TTF2: variants seen among roughly 807,000 people sequenced by gnomAD.
TTF2 encodes the protein transcription termination factor 2.
TTF2 carries 108 observed loss-of-function variants against 142.4 expected under a neutral mutation model. That is an observed-to-expected ratio of 0.76 (90% CI 0.65 to 0.89). The LOEUF (loss-of-function observed/expected upper bound fraction) is 0.89, where lower values mean the gene tolerates loss of function less well. Ranked by LOEUF, TTF2 falls within the 40% of genes least tolerant of loss-of-function variation. The pLI, the probability that TTF2 is intolerant of heterozygous loss-of-function variation, is 0.00. For synonymous variants in TTF2, 483 were observed against 506.2 expected (o/e 0.95, Z 0.61); for missense variants, 1,327 against 1,379.8 (o/e 0.96, Z 0.61).
chr1:117,081,581 T>G (rs1647514798), intron 9 of TTF2, among the ~76,000 whole-genome samples: 1 of 152,172 alleles, frequency 6.6e-6, no homozygotes, highest in Non-Finnish European at 1.5e-5. Flanking sequence ...ATATTCAAAT[T>G]GTAAGTTTTA....
intron 1 of TTF2, 33 bp downstream of exon 1, chr1:117,060,407 T>A: frequency 6.2e-7 from 1 of 1,608,084 alleles, no homozygotes; most frequent in East Asian, 2.2e-5. Context: ...TCCCGGGGCC[T>A]GTTGATTTAG....
At position 117,107,439 on chromosome 1, in the gene TTF2, G is replaced by A. The variant is rs546756587; in HGVS notation, c.*5915G>A. ...AACCTCCAACTGAAATAAATGGTAA[G>A]CTTTTTGTTCTCAATTCTGAAATCA... On this transcript the variant is annotated 3_prime_UTR_variant, in exon 23 of 23. Transcript: ENST00000369466. The A allele has an allele frequency of 6.6e-6, 1 of 152,276 alleles. No homozygotes were observed. Among genetic ancestry groups the A allele is most frequent in the South Asian group, 2.1e-4 (1 of 4,816 alleles). 9.4% of individuals were successfully genotyped at this position (152,276 alleles called of 1,614,324 possible).
chr1:117,077,903 T>A lies in TTF2; in HGVS notation c.1574-13T>A. 1 of 1,613,992 alleles carries A rather than the reference T, an allele frequency of 6.2e-7. No individual in the cohort carries two copies. On this transcript the variant is annotated splice_polypyrimidine_tract_variant and intron_variant, in intron 7 of 22. Coordinates refer to ENST00000369466, the MANE Select transcript of TTF2 (RefSeq NM_003594.4). Reference sequence around the variant, plus strand: ...CTTGTGACATCTTTTAGGTAACACCTATTTGTATGCAGGCCATACAAACCA... The same window carrying A: ...CTTGTGACATCTTTTAGGTAACACCAATTTGTATGCAGGCCATACAAACCA...
intron 18 of TTF2, chr1:117,094,551 A>C (rs1324920847): frequency 2.1e-6 from 1 of 467,200 alleles, no homozygotes; most frequent in African/African-American, 2.0e-5. Flanking sequence ...AAGCTTTAAC[A>C]ATGGTTCCTC....
intron 12 of TTF2, 99 bp from the exon 13 acceptor site, chr1:117,088,702 A>G: frequency 7.4e-7 from 1 of 1,350,814 alleles, no homozygotes; most frequent in East Asian, 2.4e-5. Context: ...TTAAAGGTAA[A>G]TGTGGGTCCT....
intron 7 of TTF2, among the ~76,000 whole-genome samples, chr1:117,077,612 CT>C (rs1181458766): frequency 6.6e-6 from 1 of 152,078 alleles, no homozygotes; most frequent in Admixed American, 6.5e-5. Context: ...TTCTAGGCAA[CT>C]TTGAATTCAG....
At position 117,077,786 on chromosome 1, in the gene TTF2, G is replaced by A. The variant is rs1443372667; in HGVS notation, c.1574-130G>A. Reference sequence around the variant, plus strand: ...CCAACTGAGAACTGCTAGAGACATGGAAAGTTGAGGAGAGTAGTTAACAAG... The same window carrying A: ...CCAACTGAGAACTGCTAGAGACATGAAAAGTTGAGGAGAGTAGTTAACAAG... On this transcript the variant is annotated intron_variant, in intron 7 of 22. Coordinates refer to ENST00000369466, the MANE Select transcript of TTF2 (RefSeq NM_003594.4). 4 of 1,282,674 alleles carry A rather than the reference G, an allele frequency of 3.1e-6. No homozygotes were observed. In the Admixed American group the frequency reaches 5.9e-5, roughly 19 times the overall value. The allele number at this position is 1,282,674 out of a possible 1,614,324, so 79.5% of individuals were successfully genotyped here. A position where few individuals can be genotyped will look rare whatever the true frequency, so the allele number is the denominator to read the frequency against.
Position 117,095,291 on chromosome 1 carries a change from G to A in TTF2, c.2977-18G>A. 1 of 1,613,822 alleles carries A rather than the reference G, an allele frequency of 6.2e-7. No homozygotes were observed. Among genetic ancestry groups the A allele is most frequent in the Non-Finnish European group, 8.5e-7 (1 of 1,179,716 alleles). On this transcript the variant is annotated intron_variant, in intron 18 of 22. Transcript: ENST00000369466. ...GTGAATTGCTTAAACATACAATGTTGATGTAACCTTTTCCCAGATTTCATC... is the reference window on the plus strand; with the variant it reads ...GTGAATTGCTTAAACATACAATGTTAATGTAACCTTTTCCCAGATTTCATC...
rs138459730 is a variant in TTF2 at position 117,106,235 on chromosome 1, A to G, written c.*4711A>G. ...ATCAGGGTCATTTATAGTACAAACT[A>G]CCACAGAAGTCAGTAGTTAGGGGAT... On this transcript the variant is annotated 3_prime_UTR_variant, in exon 23 of 23. Coordinates refer to ENST00000369466, the MANE Select transcript of TTF2 (RefSeq NM_003594.4). 20 of 151,664 alleles carry G rather than the reference A, an allele frequency of 1.3e-4. No homozygotes were observed. The East Asian group carries it at 3.9e-3, about 29-fold the overall frequency. 9.4% of individuals were successfully genotyped at this position (151,664 alleles called of 1,614,324 possible). A position where few individuals can be genotyped will look rare whatever the true frequency, so the allele number is the denominator to read the frequency against.
In TTF2 at chr1:117,075,755, G is replaced by A; in HGVS notation, c.1171G>A (p.Val391Met). 1 of 1,614,230 alleles carries A rather than the reference G, an allele frequency of 6.2e-7. No individual in the cohort carries two copies. ...AAACCTCCAATTCCCTGATCGAAGT[G>A]TGCAAAGAAAGGTGTCTCCTGCCTC... ...KENLQFPDRSVQRKVSPASGV... is the reference protein window; with the variant it reads ...KENLQFPDRSMQRKVSPASGV... The change falls in exon 5 of 23, where the codon GTG (valine) becomes ATG (methionine). Residue 391 changes from valine to methionine, a missense_variant. Transcript: ENST00000369466. This position sits in a 1 kb window ranked among gnomAD's most constrained non-coding sequence, Gnocchi z 4.5.
intron 3 of TTF2, among the ~76,000 whole-genome samples, chr1:117,064,511 TG>T (rs869191503): frequency 0.084 from 18 of 214 alleles, no homozygotes; most frequent in African/African-American, 0.27. Context: ...GTTTTATTTT[TG>T]TTTGTTTGTT....
At position 117,070,663 on chromosome 1, in the gene TTF2, G is replaced by A. The variant is rs1483409767; in HGVS notation, c.219-2998G>A. ...TGGCAGCTGTTACTTTGAATTTTAT[G>A]CATTCAAAGCATTTCAGAAATTGTA... is the stretch of plus-strand genomic sequence containing the variant. On this transcript the variant is annotated intron_variant, in intron 3 of 22. Transcript: ENST00000369466. This position sits in a 1 kb window ranked among gnomAD's most constrained non-coding sequence, Gnocchi z 4.2. Among the ~76,000 whole-genome samples, 1 of 152,184 alleles carries A rather than the reference G, an allele frequency of 6.6e-6. No homozygotes were observed. The highest frequency in any genetic ancestry group is 1.5e-5 in the Non-Finnish European group (1 of 68,030).
At chr1:117,098,385 A>G (rs1421080326) in intron 21 of TTF2, 1 of 152,486 alleles carries the variant, frequency 6.6e-6, no homozygotes, top group African/African-American at 2.4e-5. Flanking sequence ...CCAAGTAGCA[A>G]TCTGAAGCCT....
At position 117,106,058 on chromosome 1, in the gene TTF2, A is replaced by G. The variant is rs1649913280; in HGVS notation, c.*4534A>G. On this transcript the variant is annotated 3_prime_UTR_variant, in exon 23 of 23. Coordinates refer to ENST00000369466, the MANE Select transcript of TTF2 (RefSeq NM_003594.4). The stretch of plus-strand genomic sequence containing the variant: ...AAGAATTAGGTTTCCAAAGTGGGAT[A>G]TTGTGCTGCTGTTTGTGATATAGCA... 6.6e-6 allele frequency: 1 copy of G among 152,216 alleles called. No homozygotes were observed. The highest frequency in any genetic ancestry group is 2.1e-4 in the South Asian group (1 of 4,832). The allele number at this position is 152,216 out of a possible 1,614,324, so 9.4% of individuals were successfully genotyped here.
rs1231909243 is a variant in TTF2, at chr1:117,063,842, C to T, written c.218+1369C>T. ...AGGATATTAATATTGGTACAACCCA[C>T]CAGTTTTATTGGTAAAGGTAGTTTT... On this transcript the variant is annotated intron_variant, in intron 3 of 22. Transcript: ENST00000369466. This position sits in a 1 kb window ranked among gnomAD's most constrained non-coding sequence, Gnocchi z 4.1. 1.3e-5 allele frequency among the ~76,000 whole-genome samples: 2 copies of T among 152,120 alleles called. No homozygotes were observed. The highest frequency in any genetic ancestry group is 2.9e-5 in the Non-Finnish European group (2 of 68,026).
rs1305114740 is a variant in TTF2 at position 117,060,525 on chromosome 1, G to A, written c.99G>A (p.Arg33=). ...AAGGAAAGAGCTTCTACGTGTGCCG[G>A]GCAGACACGTGCAGCTTCGTGCGGG... is the stretch of plus-strand genomic sequence containing the variant. ...PNKGKSFYVC[R]ADTCSFVRAT... The change falls in exon 2 of 23, where the codon CGG becomes CGA. Residue 33 remains arginine (R), a synonymous_variant. Transcript: ENST00000369466. 1 of 1,613,808 alleles carries A rather than the reference G, an allele frequency of 6.2e-7. No homozygotes were observed.
chr1:117,098,884 G>T lies in TTF2; in HGVS notation c.3321G>T (p.Gln1107His), dbSNP rs773093934. The T allele has an allele frequency of 1.2e-6, 2 of 1,612,614 alleles. No individual in the cohort carries two copies. The highest frequency in any genetic ancestry group is 4.5e-5 in the East Asian group (2 of 44,828). Residue 1107 changes from glutamine to histidine, a missense_variant, in exon 22 of 23, where the codon CAG becomes CAT. Gln to His is a conservative substitution (Grantham distance 24). Coordinates refer to ENST00000369466, the MANE Select transcript of TTF2 (RefSeq NM_003594.4). ...GTGACCGAATTTACCGAGTAGGGCA[G>T]CAGAAAGATGTTGTCATACACAGGT... ...QACDRIYRVGQQKDVVIHRFV... is the reference protein window; with the variant it reads ...QACDRIYRVGHQKDVVIHRFV...
chr1:117,065,087 C>T (rs1655983556), intron 3 of TTF2, among the ~76,000 whole-genome samples: 1 of 152,148 alleles, frequency 6.6e-6, no homozygotes, highest in African/African-American at 2.4e-5. Flanking sequence ...ATTTGCCTAT[C>T]TTTACATAAT....
At chr1:117,089,991 C>A in intron 13 of TTF2, 64 bp from the exon 14 acceptor site, 2 of 1,534,396 alleles carry the variant, frequency 1.3e-6, no homozygotes, top group East Asian at 2.3e-5. Flanking sequence ...TTACTTTGAA[C>A]CTTTATTCCA....
Sources: gnomAD v4.1 joint callset for allele counts (sites outside exome capture counted in the v4.1 genomes callset) on GRCh38, gnomAD v4.1.1 for gene constraint, Gnocchi (gnomAD v3.1) non-coding constraint, MANE v1.5 for transcripts, NCBI Gene and HGNC (gene_info 2026-07-23, HGNC 2026-07-21) for gene names.